The following L3MBTL4 variants were observed in gnomAD, a reference collection of about 807,000 sequenced individuals.
L3MBTL4 encodes L3MBTL histone methyl-lysine binding protein 4.
Under a neutral mutation model 84.5 loss-of-function variants are expected in L3MBTL4, and 70 were observed. The observed-to-expected ratio is 0.83, with a 90% CI of 0.68 to 1.01. The LOEUF is 1.01. Ranked by LOEUF, L3MBTL4 falls within the 50% of genes least tolerant of loss-of-function variation. The probability of loss-of-function intolerance (pLI) is 0.00; values close to 1 mark genes in which losing one functional copy is unlikely to be tolerated. For synonymous variants in L3MBTL4, 274 were observed against 259.8 expected, an observed-to-expected ratio of 1.05 and a Z score of -0.52; for missense variants, 715 against 754.8, an observed-to-expected ratio of 0.95 and a Z score of 0.62.
intron 1 of L3MBTL4, among the ~76,000 whole-genome samples, chr18:6,322,169 C>A (rs1388756051): frequency 6.6e-6 from 1 of 151,706 alleles, no homozygotes; most frequent in Non-Finnish European, 1.5e-5. Context: ...CCAGCGTGGG[C>A]AACACAGTGA....
intron 1 of L3MBTL4, among the ~76,000 whole-genome samples, chr18:6,391,775 C>CTACTACTACTACTACTACTACTAA (rs1413108628): frequency 2.0e-5 from 3 of 151,916 alleles, no homozygotes; most frequent in African/African-American, 7.2e-5. Context: ...ACTACTACTA[C>CTACTACTACTACTACTACTACTAA]TACTAGGACT....
At chr18:5,965,444 C>T (rs1213265309) in intron 17 of L3MBTL4, among the ~76,000 whole-genome samples, 1 of 152,200 alleles carries the variant, frequency 6.6e-6, no homozygotes, top group Non-Finnish European at 1.5e-5. Flanking sequence ...TTCCAACACG[C>T]CCCATCCCTG....
At chr18:6,115,403 C>A (rs2059327108) in intron 14 of L3MBTL4, among the ~76,000 whole-genome samples, 1 of 152,142 alleles carries the variant, frequency 6.6e-6, no homozygotes, top group African/African-American at 2.4e-5. Context: ...ATTGACAAGA[C>A]TGGATGATTC....
chr18:6,128,267 A>G (rs1203787539), intron 14 of L3MBTL4, among the ~76,000 whole-genome samples: 1 of 152,196 alleles, frequency 6.6e-6, no homozygotes, highest in African/African-American at 2.4e-5. Context: ...AATAAAAGAC[A>G]AGGAGTGAAA....
intron 1 of L3MBTL4, among the ~76,000 whole-genome samples, chr18:6,372,074 C>A (rs2054181152): frequency 6.6e-6 from 1 of 152,204 alleles, no homozygotes; most frequent in Non-Finnish European, 1.5e-5. Flanking sequence ...TCCACCCAGG[C>A]CATTTCCTAA....
At chr18:6,055,561 T>G (rs2056992296) in intron 16 of L3MBTL4, among the ~76,000 whole-genome samples, 1 of 151,222 alleles carries the variant, frequency 6.6e-6, no homozygotes, top group South Asian at 2.1e-4. Context: ...AAAGGTTTTT[T>G]ATATTAAGGC....
chr18:6,112,848 A>C (rs1485569453), intron 14 of L3MBTL4, among the ~76,000 whole-genome samples: 1 of 152,196 alleles, frequency 6.6e-6, no homozygotes, highest in Non-Finnish European at 1.5e-5. Context: ...ATTCAAATTT[A>C]AATTAATGAA....
intron 16 of L3MBTL4, among the ~76,000 whole-genome samples, chr18:6,035,217 C>G (rs948173934): frequency 2.7e-5 from 4 of 150,876 alleles, no homozygotes; most frequent in African/African-American, 4.8e-5. Flanking sequence ...ACATGAAGTC[C>G]TTGCCCATGC....
At chr18:5,967,702 C>A (rs796364895) in intron 17 of L3MBTL4, among the ~76,000 whole-genome samples, 33 of 152,278 alleles carry the variant, frequency 2.2e-4, no homozygotes, top group African/African-American at 7.7e-4. Flanking sequence ...TGGCTCAGAC[C>A]GAGGATCCGC....
chr18:6,112,252 T>G (rs775024759), intron 14 of L3MBTL4, among the ~76,000 whole-genome samples: 5 of 152,170 alleles, frequency 3.3e-5, no homozygotes, highest in Non-Finnish European at 7.3e-5. Context: ...TCTCTAAAAT[T>G]ATAGACTTTT....
chr18:6,366,040 G>A (rs1478774257), intron 1 of L3MBTL4, among the ~76,000 whole-genome samples: 3 of 152,140 alleles, frequency 2.0e-5, no homozygotes, highest in African/African-American at 7.2e-5. Flanking sequence ...GCATACTTCT[G>A]TAACCTCAAT....
At chr18:6,408,873 C>T (rs1347155348) in intron 1 of L3MBTL4, among the ~76,000 whole-genome samples, 2 of 152,086 alleles carry the variant, frequency 1.3e-5, no homozygotes, top group Admixed American at 6.6e-5. Flanking sequence ...GATGGGGTTT[C>T]GCCATGTTAC....
intron 1 of L3MBTL4, among the ~76,000 whole-genome samples, chr18:6,345,813 G>A (rs1194405015): frequency 6.6e-6 from 1 of 151,862 alleles, no homozygotes; most frequent in African/African-American, 2.4e-5. Context: ...CACAGAAATA[G>A]GAAAAACTAT....
intron 10 of L3MBTL4, among the ~76,000 whole-genome samples, chr18:6,223,259 T>C (rs1336566153): frequency 6.6e-6 from 1 of 152,094 alleles, no homozygotes; most frequent in South Asian, 2.1e-4. Context: ...AGTTTAAAAA[T>C]GCGGAAATAA....
chr18:6,221,269 A>G (rs2046538913), intron 10 of L3MBTL4, among the ~76,000 whole-genome samples: 1 of 152,154 alleles, frequency 6.6e-6, no homozygotes, highest in Non-Finnish European at 1.5e-5. Context: ...CCACAATTAT[A>G]CTGGTGGCCA....
chr18:5,964,922 A>C (rs1043979330), intron 17 of L3MBTL4, among the ~76,000 whole-genome samples: 1 of 152,198 alleles, frequency 6.6e-6, no homozygotes, highest in Non-Finnish European at 1.5e-5. Flanking sequence ...CTTCTGTGCA[A>C]GATGCTTTGC....
intron 1 of L3MBTL4, among the ~76,000 whole-genome samples, chr18:6,330,458 C>T (rs576040521): frequency 1.9e-4 from 29 of 152,370 alleles, no homozygotes; most frequent in African/African-American, 6.0e-4. Flanking sequence ...TCAAAGCCAG[C>T]AATGGCTGAT....
chr18:6,226,912 T>A (rs1358826242), intron 10 of L3MBTL4, among the ~76,000 whole-genome samples: 3 of 152,144 alleles, frequency 2.0e-5, no homozygotes, highest in Non-Finnish European at 4.4e-5. Context: ...ATATGTTACA[T>A]ATTTTTGGAA....
At chr18:6,301,849 T>G in intron 4 of L3MBTL4, 54 bp downstream of exon 4, 1 of 1,276,188 alleles carries the variant, frequency 7.8e-7, no homozygotes. Flanking sequence ...TAATAAAAAT[T>G]CACTTAAAAT....
Sources: allele counts gnomAD v4.1 joint callset (sites outside exome capture counted in the v4.1 genomes callset), GRCh38; gene constraint gnomAD v4.1.1; transcripts MANE v1.5; gene names NCBI Gene and HGNC (gene_info 2026-07-23, HGNC 2026-07-21).